SEMA6D: variants seen among roughly 807,000 people sequenced by gnomAD.
The protein encoded by SEMA6D is semaphorin 6D.
SEMA6D carries 35 observed loss-of-function variants against 106.6 expected under a neutral mutation model. The observed-to-expected ratio is 0.33, with a 90% CI of 0.25 to 0.44. The LOEUF is 0.44. Ranked by LOEUF, SEMA6D falls within the 20% of genes least tolerant of loss-of-function variation. The pLI is 1.00. For missense variants in SEMA6D, 1,185 were observed against 1,345.9 expected (o/e 0.88, Z 1.87); for synonymous variants, 499 against 487.7 (o/e 1.02, Z -0.31).
intron 1 of SEMA6D, among the ~76,000 whole-genome samples, chr15:47,361,457 A>G (rs373560742): frequency 2.8e-4 from 42 of 152,308 alleles, no homozygotes; most frequent in African/African-American, 9.1e-4. Context: ...TACAAGTCCT[A>G]TACTTCATGG....
At chr15:47,475,041 T>C (rs1789148892) in intron 3 of SEMA6D, among the ~76,000 whole-genome samples, 1 of 152,190 alleles carries the variant, frequency 6.6e-6, no homozygotes, top group African/African-American at 2.4e-5. Flanking sequence ...CTATAAAATA[T>C]GAGCAAGAAA....
At chr15:47,530,244 G>A (rs1267006533) in intron 3 of SEMA6D, among the ~76,000 whole-genome samples, 1 of 152,154 alleles carries the variant, frequency 6.6e-6, no homozygotes, top group African/African-American at 2.4e-5. Context: ...CTTTAGAAAT[G>A]GTGGACTTCA....
intron 3 of SEMA6D, among the ~76,000 whole-genome samples, chr15:47,551,673 C>CTCTGTGTGTGTG (rs1555389325): frequency 7.1e-6 from 1 of 141,252 alleles, no homozygotes; most frequent in East Asian, 2.1e-4. Context: ...ATCTGGGACT[C>CTCTGTGTGTGTG]TGTGTGTGTG....
intron 1 of SEMA6D, among the ~76,000 whole-genome samples, chr15:47,335,909 G>A (rs887620246): frequency 3.3e-5 from 5 of 152,134 alleles, no homozygotes; most frequent in African/African-American, 9.7e-5. Context: ...AGCCTGTGAT[G>A]TTCCCCCAGC....
chr15:47,412,202 G>T (rs1442541917), intron 1 of SEMA6D, among the ~76,000 whole-genome samples: 2 of 152,150 alleles, frequency 1.3e-5, no homozygotes, highest in Non-Finnish European at 2.9e-5. Flanking sequence ...CAGTCTCATA[G>T]TTAGGGCAGA....
chr15:47,294,510 C>T (rs2035728193), intron 1 of SEMA6D, among the ~76,000 whole-genome samples: 1 of 152,166 alleles, frequency 6.6e-6, no homozygotes, highest in South Asian at 2.1e-4. Context: ...GTCTGAGCCA[C>T]GGTGCCCAGC....
intron 1 of SEMA6D, among the ~76,000 whole-genome samples, chr15:47,726,174 C>G (rs2079739692): frequency 6.6e-6 from 1 of 152,230 alleles, no homozygotes; most frequent in Non-Finnish European, 1.5e-5. Context: ...CCTGGTTCAA[C>G]TAGACTAATA....
chr15:47,487,484 CTG>C (rs1445268204), intron 3 of SEMA6D, among the ~76,000 whole-genome samples: 2 of 152,190 alleles, frequency 1.3e-5, no homozygotes, highest in African/African-American at 4.8e-5. Flanking sequence ...ATGTATGAGA[CTG>C]TGTATGCATA....
intron 1 of SEMA6D, among the ~76,000 whole-genome samples, chr15:47,278,153 G>A (rs1383951652): frequency 6.6e-6 from 1 of 151,996 alleles, no homozygotes; most frequent in Admixed American, 6.5e-5. Flanking sequence ...GGGTCAAATG[G>A]TATTTCTAGT....
chr15:47,701,527 A>G (rs145900814), intron 4 of SEMA6D, among the ~76,000 whole-genome samples: 69 of 152,318 alleles, frequency 4.5e-4, no homozygotes, highest in African/African-American at 1.6e-3. Context: ...TCTCACCACC[A>G]AAAAATGGTA....
In SEMA6D at chr15:47,765,244, G is replaced by C. The variant is rs974215051; in HGVS notation, c.1427+188G>C. ...CCGAGCCTGCTAGGGCGAGGGGGGT[G>C]AATGGTTGATGAGTTTAAAAATAAT... On this transcript the variant is annotated intron_variant, in intron 13 of 18. Coordinates refer to ENST00000536845, the MANE Select transcript of SEMA6D (RefSeq NM_001358351.3). 4 of 1,377,818 alleles carry C rather than the reference G, an allele frequency of 2.9e-6. No individual in the cohort carries two copies. The African/African-American group carries it at 5.8e-5, about 20-fold the overall frequency. The allele number at this position is 1,377,818 out of a possible 1,614,324, so 85.3% of individuals were successfully genotyped here. A position where few individuals can be genotyped will look rare whatever the true frequency, so the allele number is the denominator to read the frequency against.
At chr15:47,208,627 A>C (rs572635534) in intron 1 of SEMA6D, among the ~76,000 whole-genome samples, 1 of 152,322 alleles carries the variant, frequency 6.6e-6, no homozygotes, top group South Asian at 2.1e-4. Context: ...GAAGAACATT[A>C]AACAGTTTTT....
chr15:47,376,373 A>T (rs145921664), intron 1 of SEMA6D, among the ~76,000 whole-genome samples: 10 of 152,094 alleles, frequency 6.6e-5, no homozygotes, highest in Non-Finnish European at 1.5e-4. Context: ...CCACCTCAGC[A>T]CCCCCTGCAC....
intron 1 of SEMA6D, among the ~76,000 whole-genome samples, chr15:47,326,479 G>A (rs947365525): frequency 6.6e-6 from 1 of 152,182 alleles, no homozygotes; most frequent in Non-Finnish European, 1.5e-5. Context: ...TTGCAAACAG[G>A]TCAAATGTGA....
chr15:47,478,647 A>T (rs2141266636), intron 3 of SEMA6D, among the ~76,000 whole-genome samples: 1 of 152,322 alleles, frequency 6.6e-6, no homozygotes, highest in South Asian at 2.1e-4. Flanking sequence ...GCCTTCAGAA[A>T]TAATGGTGGC....
In SEMA6D at chr15:47,356,493, T is replaced by C. The variant is rs2038576013; in HGVS notation, c.-238-55900T>C. ...GTTGAAGGATCTGTTCACCAGGGAT[T>C]GTGCTGTGGGAAGATGAGGAGGAAG... On this transcript the variant is annotated intron_variant, in intron 1 of 19. Coordinates refer to the SEMA6D transcript ENST00000558014. Among the ~76,000 whole-genome samples the C allele has an allele frequency of 2.0e-5, 3 of 151,872 alleles. No homozygotes were observed. In the South Asian group the frequency reaches 6.2e-4, roughly 32 times the overall value.
At chr15:47,290,053 C>T (rs573989750) in intron 1 of SEMA6D, among the ~76,000 whole-genome samples, 2 of 152,286 alleles carry the variant, frequency 1.3e-5, no homozygotes, top group East Asian at 3.9e-4. Context: ...AAATGTCTTT[C>T]TCTTTAAAGC....
At chr15:47,462,437 C>G (rs1160131486) in intron 2 of SEMA6D, among the ~76,000 whole-genome samples, 1 of 152,062 alleles carries the variant, frequency 6.6e-6, no homozygotes, top group African/African-American at 2.4e-5. Flanking sequence ...ATCTCGGCCT[C>G]TCTCTTCTCA....
chr15:47,443,207 C>T (rs1215580769), intron 2 of SEMA6D, among the ~76,000 whole-genome samples: 1 of 152,154 alleles, frequency 6.6e-6, no homozygotes, highest in African/African-American at 2.4e-5. Context: ...TATCCCTACA[C>T]ACCTCTCATT....
Sources: allele counts gnomAD v4.1 joint callset (sites outside exome capture counted in the v4.1 genomes callset), GRCh38; gene constraint gnomAD v4.1.1; transcripts MANE v1.5; gene names NCBI Gene and HGNC (gene_info 2026-07-23, HGNC 2026-07-21).